The following EPB41L1 variants were observed in gnomAD, a reference collection of about 807,000 sequenced individuals.
EPB41L1 encodes the protein erythrocyte membrane protein band 4.1 like 1, also known as band 4.1-like protein 1.
Under a neutral mutation model 97.8 loss-of-function variants are expected in EPB41L1, and 29 were observed. That is an observed-to-expected ratio of 0.30 (90% CI 0.22 to 0.40). The LOEUF (loss-of-function observed/expected upper bound fraction) is 0.40, where lower values mean the gene tolerates loss of function less well. Ranked by LOEUF, EPB41L1 falls within the 10% of genes least tolerant of loss-of-function variation. The pLI is 1.00. For missense variants in EPB41L1, 812 were observed against 1,162.3 expected (o/e 0.70, Z 4.38); for synonymous variants, 383 against 459.2 (o/e 0.83, Z 2.12).
chr20:36,153,778 A>G (rs371262493), upstream of EPB41L1, among the ~76,000 whole-genome samples: 1 of 152,152 alleles, frequency 6.6e-6, no homozygotes. Flanking sequence ...TCTCCCTCCC[A>G]GAGTCCTCTG....
rs114028353 is a variant in EPB41L1, at chr20:36,139,628, A to T, written c.-10+27148A>T. ...CTTCAGACCTAGTTGTTGCTCAGTAAATAAATAGATGCTGACTGATTACAA... is the reference window on the plus strand; with the variant it reads ...CTTCAGACCTAGTTGTTGCTCAGTATATAAATAGATGCTGACTGATTACAA... On this transcript the variant is annotated intron_variant, in intron 2 of 19. Coordinates refer to the EPB41L1 transcript ENST00000202028. Among the ~76,000 whole-genome samples the T allele has an allele frequency of 9.3e-3, 1,414 of 152,302 alleles. 23 individuals carry two copies. The highest frequency in any genetic ancestry group is 0.032 in the African/African-American group (1,349 of 41,554).
At chr20:36,105,934 C>T (rs2058176023) in intron 1 of EPB41L1, among the ~76,000 whole-genome samples, 1 of 152,164 alleles carries the variant, frequency 6.6e-6, no homozygotes, top group Admixed American at 6.5e-5. Context: ...CCAGGGCCCT[C>T]TCCTCCCCTC....
chr20:36,219,110 C>A, intron 18 of EPB41L1, 148 bp downstream of exon 18: 1 of 818,650 alleles, frequency 1.2e-6, no homozygotes, highest in Non-Finnish European at 2.0e-6. Context: ...TTTCAGATGC[C>A]CACAGGGCTC....
intron 14 of EPB41L1, among the ~76,000 whole-genome samples, chr20:36,202,930 T>G (rs1406893602): frequency 2.0e-5 from 3 of 151,328 alleles, no homozygotes; most frequent in African/African-American, 7.3e-5. Context: ...GTGCCTTGGG[T>G]GCAGACAGCT....
At chr20:36,198,534 G>A (rs2062331341) in intron 14 of EPB41L1, among the ~76,000 whole-genome samples, 2 of 152,192 alleles carry the variant, frequency 1.3e-5, no homozygotes, top group Non-Finnish European at 1.5e-5. Flanking sequence ...AAGGGGCTTC[G>A]GAGTCCACTG....
Position 36,229,355 on chromosome 20 carries a change from T to A in EPB41L1, c.*15T>A. The A allele has an allele frequency of 6.2e-7, 1 of 1,603,030 alleles. No individual in the cohort carries two copies. Among genetic ancestry groups the A allele is most frequent in the Non-Finnish European group, 8.5e-7 (1 of 1,174,844 alleles). ...AGGAATCCTGACCTCTGTGAAGAGA[T>A]CCTGGCATTTCTGGTCCAACCCAAG... is the stretch of plus-strand genomic sequence containing the variant. On this transcript the variant is annotated 3_prime_UTR_variant, in exon 22 of 22. Transcript: ENST00000338074.
At chr20:36,197,354 C>T (rs1049002243) in intron 13 of EPB41L1, among the ~76,000 whole-genome samples, 7 of 152,218 alleles carry the variant, frequency 4.6e-5, no homozygotes, top group Non-Finnish European at 8.8e-5. Flanking sequence ...GCCCAAGTCT[C>T]AGCCAGAAAG....
intron 2 of EPB41L1, among the ~76,000 whole-genome samples, chr20:36,141,303 G>A (rs1036497825): frequency 6.6e-6 from 1 of 152,156 alleles, no homozygotes; most frequent in African/African-American, 2.4e-5. Context: ...GGAAGACAAA[G>A]TAGAAATGTG....
Position 36,212,461 on chromosome 20 carries a change from G to T in EPB41L1, c.2184+85G>T. The T allele has an allele frequency of 8.6e-7, 1 of 1,156,640 alleles. No homozygotes were observed. The highest frequency in any genetic ancestry group is 1.3e-6 in the Non-Finnish European group (1 of 776,808). 71.6% of individuals were successfully genotyped at this position (1,156,640 alleles called of 1,614,324 possible). On this transcript the variant is annotated intron_variant, in intron 16 of 21. Coordinates refer to ENST00000338074, the MANE Select transcript of EPB41L1 (RefSeq NM_012156.2). The surrounding 1 kb of genome is among the most constrained non-coding windows in gnomAD (Gnocchi z 4.8). ...CCCACTGCTGTGGCCAAACCCCTTGGCCAGCTCTTTTAATCTCAGCTTCCC... is the reference window on the plus strand; with the variant it reads ...CCCACTGCTGTGGCCAAACCCCTTGTCCAGCTCTTTTAATCTCAGCTTCCC...
intron 14 of EPB41L1, among the ~76,000 whole-genome samples, chr20:36,201,390 C>T (rs1259971177): frequency 1.3e-5 from 2 of 151,998 alleles, no homozygotes; most frequent in African/African-American, 2.4e-5. Flanking sequence ...TGCTTAGGGT[C>T]AGGGGTCATG....
chr20:36,166,003 TGAG>T (rs1431295969), intron 1 of EPB41L1, among the ~76,000 whole-genome samples: 7 of 152,202 alleles, frequency 4.6e-5, no homozygotes, highest in Non-Finnish European at 8.8e-5. Context: ...ATTAGTAAAA[TGAG>T]GAGAATAATA....
chr20:36,145,395 C>CA (rs1188803832), intron 2 of EPB41L1, among the ~76,000 whole-genome samples: 11,070 of 65,162 alleles, frequency 0.17, 677 homozygotes, highest in Middle Eastern at 0.26. Flanking sequence ...GACTCCATCT[C>CA]AAAAAAAAAA....
At chr20:36,149,724 T>C (rs1238617009) in intron 2 of EPB41L1, 2 of 152,374 alleles carry the variant, frequency 1.3e-5, no homozygotes, top group African/African-American at 4.8e-5. Context: ...CAGCTCCCAG[T>C]GGCCTGGGGC....
In EPB41L1 at chr20:36,212,160, T is replaced by C; in HGVS notation, c.2080-112T>C. On this transcript the variant is annotated intron_variant, in intron 15 of 21. Transcript: ENST00000338074. This position sits in a 1 kb window ranked among gnomAD's most constrained non-coding sequence, Gnocchi z 4.8. ...TGTCCAGAGTACCCTTCCAGAGATG[T>C]GGCCAGCTGTGGGGATAGGAGATAG... The C allele has an allele frequency of 1.0e-6, 1 of 987,846 alleles. No homozygotes were observed. Among genetic ancestry groups the C allele is most frequent in the Non-Finnish European group, 1.6e-6 (1 of 624,074 alleles). The allele number at this position is 987,846 out of a possible 1,614,324, so 61.2% of individuals were successfully genotyped here.
At chr20:36,139,921 G>A (rs1021942719) in intron 2 of EPB41L1, among the ~76,000 whole-genome samples, 3 of 151,874 alleles carry the variant, frequency 2.0e-5, no homozygotes, top group Non-Finnish European at 4.4e-5. Context: ...AGTAGAGATG[G>A]AGTTTCTCCA....
At chr20:36,182,213 A>G in intron 5 of EPB41L1, 59 bp from the exon 6 acceptor site, 4 of 1,503,328 alleles carry the variant, frequency 2.7e-6, no homozygotes, top group Non-Finnish European at 9.3e-7. Context: ...AGGATGGTGC[A>G]TCTGGACCAC....
chr20:36,129,756 A>T (rs1352818845), intron 2 of EPB41L1, among the ~76,000 whole-genome samples: 4 of 152,008 alleles, frequency 2.6e-5, no homozygotes, highest in Non-Finnish European at 5.9e-5. Context: ...TTAAAAATTC[A>T]ATTTATTCAT....
intron 1 of EPB41L1, among the ~76,000 whole-genome samples, chr20:36,158,053 G>A (rs765980164): frequency 2.0e-5 from 3 of 152,190 alleles, no homozygotes; most frequent in Non-Finnish European, 4.4e-5. Flanking sequence ...GTGAGGTGTA[G>A]ATGAGGTATA....
intron 9 of EPB41L1, among the ~76,000 whole-genome samples, chr20:36,189,114 AG>A (rs2061829960): frequency 6.6e-6 from 1 of 152,082 alleles, no homozygotes; most frequent in Non-Finnish European, 1.5e-5. Flanking sequence ...CCCATCAAAA[AG>A]CCCATTTGGT....
Sources: allele counts gnomAD v4.1 joint callset (sites outside exome capture counted in the v4.1 genomes callset), GRCh38; gene constraint gnomAD v4.1.1; non-coding constraint Gnocchi (gnomAD v3.1); transcripts MANE v1.5; gene names NCBI Gene and HGNC (gene_info 2026-07-23, HGNC 2026-07-21).